The following ACO1 variants were observed in gnomAD, a reference collection of about 807,000 sequenced individuals.
ACO1 encodes aconitase 1, also known as cytoplasmic aconitate hydratase.
ACO1 carries 78 observed loss-of-function variants against 105.1 expected under a neutral mutation model. That is an observed-to-expected ratio of 0.74 (90% CI 0.62 to 0.90). The LOEUF (loss-of-function observed/expected upper bound fraction) is 0.90. ACO1 is among the 40% of genes least tolerant of loss of function. The probability of loss-of-function intolerance (pLI) is 0.00; values close to 1 mark genes in which losing one functional copy is unlikely to be tolerated. For synonymous variants in ACO1, 364 were observed against 397.4 expected, an observed-to-expected ratio of 0.92 and a Z score of 1.00; for missense variants, 965 against 1,111.1, an observed-to-expected ratio of 0.87 and a Z score of 1.87.
intron 2 of ACO1, among the ~76,000 whole-genome samples, chr9:32,406,187 C>T (rs754923966): frequency 4.7e-4 from 71 of 152,216 alleles, no homozygotes; most frequent in Non-Finnish European, 9.6e-4. Flanking sequence ...GGTTTTGTTT[C>T]CTTTGAAAGA....
rs558835348 is a variant in ACO1, at chr9:32,438,563, T to TG, written c.2248-1901dup. On this transcript the variant is annotated intron_variant, in intron 18 of 20. Coordinates refer to ENST00000309951, the MANE Select transcript of ACO1 (RefSeq NM_002197.3). ...TGATGTGTCTGAATATCTTTAAAGG[T>TG]GATTTGTACTGTAGGGTTTAATTAA... Among the ~76,000 whole-genome samples, 120 of 152,278 alleles carry TG rather than the reference T, an allele frequency of 7.9e-4. 1 individual carries two copies. The highest frequency in any genetic ancestry group is 2.7e-3 in the African/African-American group (112 of 41,552).
intron 4 of ACO1, among the ~76,000 whole-genome samples, chr9:32,413,255 G>A (rs1262745211): frequency 6.6e-6 from 1 of 152,060 alleles, no homozygotes; most frequent in Non-Finnish European, 1.5e-5. Context: ...GGAGGCCAAG[G>A]CAGGTGGATC....
chr9:32,425,377 C>A (rs1822067626), intron 10 of ACO1, among the ~76,000 whole-genome samples: 1 of 152,170 alleles, frequency 6.6e-6, no homozygotes, highest in Non-Finnish European at 1.5e-5. Context: ...ACTTTGTTTG[C>A]GTTGTTGATC....
In ACO1 at chr9:32,451,920, C is replaced by T. The variant is rs1822776316; in HGVS notation, c.*1809C>T. ...TCTACTAAAAATACAAAAAATTAGCCAGGTGTGGTATTGTGTGCCTGTAAT... is the reference window on the plus strand; with the variant it reads ...TCTACTAAAAATACAAAAAATTAGCTAGGTGTGGTATTGTGTGCCTGTAAT... On this transcript the variant is annotated 3_prime_UTR_variant, in exon 21 of 21. Coordinates refer to ENST00000309951, the MANE Select transcript of ACO1 (RefSeq NM_002197.3). 6.6e-6 allele frequency: 1 copy of T among 152,062 alleles called. No homozygotes were observed. The highest frequency in any genetic ancestry group is 2.4e-5 in the African/African-American group (1 of 41,392). 9.4% of individuals were successfully genotyped at this position (152,062 alleles called of 1,614,324 possible).
intron 4 of ACO1, among the ~76,000 whole-genome samples, chr9:32,413,032 T>C (rs1472542116): frequency 6.6e-6 from 1 of 152,182 alleles, no homozygotes; most frequent in Non-Finnish European, 1.5e-5. Context: ...TGTAATTTTT[T>C]TTTTTTAGAC....
In ACO1 at chr9:32,436,327, A is replaced by G. The variant is rs1822360191; in HGVS notation, c.2177A>G (p.Asn726Ser). The G allele has an allele frequency of 4.3e-6, 7 of 1,614,098 alleles. No individual in the cohort carries two copies. Among genetic ancestry groups the G allele is most frequent in the Admixed American group, 1.7e-5 (1 of 60,014 alleles). Reference sequence around the variant, plus strand: ...GTCATGGCACGGGGAACATTTGCCAACATTCGCTTGTTAAACAGATTTTTG... The same window carrying G: ...GTCATGGCACGGGGAACATTTGCCAGCATTCGCTTGTTAAACAGATTTTTG... The part of the protein sequence containing the change: ...DAVMARGTFA[N>S]IRLLNRFLNK... Residue 726 changes from asparagine (N) to serine (S), a missense_variant, in exon 18 of 21, where the codon AAC (asparagine) becomes AGC (serine). Coordinates refer to ENST00000309951, the MANE Select transcript of ACO1 (RefSeq NM_002197.3).
At chr9:32,395,819 A>G (rs1346802266) in intron 1 of ACO1, among the ~76,000 whole-genome samples, 1 of 152,242 alleles carries the variant, frequency 6.6e-6, no homozygotes, top group Non-Finnish European at 1.5e-5. Flanking sequence ...ATTGGCCCAC[A>G]GTGACACTAA....
At chr9:32,407,802 A>G (rs1447442895) in intron 3 of ACO1, among the ~76,000 whole-genome samples, 1 of 152,194 alleles carries the variant, frequency 6.6e-6, no homozygotes, top group Non-Finnish European at 1.5e-5. Context: ...AGGTGTGTCA[A>G]ACACTTGTAC....
rs893822179 is a variant in ACO1, at chr9:32,450,037, G to C, written c.2596G>C (p.Asp866His). The C allele has an allele frequency of 6.2e-7, 1 of 1,613,976 alleles. No homozygotes were observed. The highest frequency in any genetic ancestry group is 8.5e-7 in the Non-Finnish European group (1 of 1,180,028). Residue 866 changes from aspartate (D) to histidine (H), a missense_variant, in exon 21 of 21, where the codon GAC (aspartate) becomes CAC (histidine). By Grantham distance (81) the Asp-to-His change is moderately conservative. Transcript: ENST00000309951. ...GACCTTCCAGGCTGTCATGAGGTTT[G>C]ACACTGATGTGGAGCTCACTTATTT... The part of the protein sequence containing the change: ...GKTFQAVMRF[D>H]TDVELTYFLN...
chr9:32,433,895 A>G, intron 16 of ACO1, 63 bp downstream of exon 16: 3 of 1,285,828 alleles, frequency 2.3e-6, no homozygotes, highest in Non-Finnish European at 2.2e-6. Context: ...AATAATATCT[A>G]CTTTATTACC....
Position 32,429,414 on chromosome 9 carries a change from T to C in ACO1, c.1485-5T>C, listed in dbSNP as rs1194394363. The C allele has an allele frequency of 1.9e-6, 3 of 1,614,004 alleles. No individual in the cohort carries two copies. The highest frequency in any genetic ancestry group is 1.3e-5 in the African/African-American group (1 of 75,030). ...GTGTGTGTGTGCTTCTCTCTTGGTG[T>C]CTAGGTTTGACGTGGTGGGCTATGG... is the stretch of plus-strand genomic sequence containing the variant. On this transcript the variant is annotated splice_region_variant and splice_polypyrimidine_tract_variant and intron_variant, in intron 12 of 20. Transcript: ENST00000309951.
At chr9:32,405,091 G>A (rs1476155928) in intron 1 of ACO1, among the ~76,000 whole-genome samples, 2 of 133,128 alleles carry the variant, frequency 1.5e-5, no homozygotes, top group African/African-American at 2.9e-5. Flanking sequence ...AATGGCAGCT[G>A]CTGCATACAG....
At chr9:32,449,689 C>T (rs1822712367) in intron 20 of ACO1, among the ~76,000 whole-genome samples, 1 of 152,132 alleles carries the variant, frequency 6.6e-6, no homozygotes, top group Non-Finnish European at 1.5e-5. Flanking sequence ...AAAATACCAC[C>T]CTGATGTCAT....
Position 32,431,893 on chromosome 9 carries a change from G to A in ACO1, c.1851+50G>A, listed in dbSNP as rs72561739. 4 of 1,605,756 alleles carry A rather than the reference G, an allele frequency of 2.5e-6. No individual in the cohort carries two copies. The South Asian group carries it at 3.3e-5, about 13-fold the overall frequency. ...GCCCCAGAGGATCTAAGGGAAAGCT[G>A]CTCCCTTTGTGTCCTGTCTGCAGAC... On this transcript the variant is annotated intron_variant, in intron 15 of 20. Transcript: ENST00000309951.
chr9:32,397,807 A>G (rs1016348716), intron 1 of ACO1, among the ~76,000 whole-genome samples: 1 of 152,204 alleles, frequency 6.6e-6, no homozygotes, highest in Non-Finnish European at 1.5e-5. Flanking sequence ...GGCAAACCAC[A>G]TAAAATACAG....
intron 20 of ACO1, among the ~76,000 whole-genome samples, chr9:32,449,578 G>A (rs113083745): frequency 9.2e-4 from 140 of 152,332 alleles, no homozygotes; most frequent in African/African-American, 3.3e-3. Flanking sequence ...GCAAAAGTCT[G>A]TGTCTCAGAT....
chr9:32,402,313 C>T (rs566881458), intron 1 of ACO1, among the ~76,000 whole-genome samples: 2 of 152,100 alleles, frequency 1.3e-5, no homozygotes, highest in African/African-American at 4.8e-5. Context: ...TTCCCTCTTT[C>T]AAAAAAGAAA....
chr9:32,437,741 TAGAGA>T (rs1278603192), intron 18 of ACO1, among the ~76,000 whole-genome samples: 3 of 151,996 alleles, frequency 2.0e-5, no homozygotes, highest in African/African-American at 4.8e-5. Flanking sequence ...ATTATATACT[TAGAGA>T]AGAGTTCATT....
intron 1 of ACO1, 73 bp from the exon 2 acceptor site, chr9:32,405,412 C>T: frequency 1.2e-6 from 1 of 830,302 alleles, no homozygotes; most frequent in Non-Finnish European, 2.0e-6. Flanking sequence ...AAAACTAAGC[C>T]TTCCTCCCAG....
Sources: gnomAD v4.1 joint callset for allele counts (sites outside exome capture counted in the v4.1 genomes callset) on GRCh38, gnomAD v4.1.1 for gene constraint, MANE v1.5 for transcripts, NCBI Gene and HGNC (gene_info 2026-07-23, HGNC 2026-07-21) for gene names.